PAM: variants seen among roughly 807,000 people sequenced by gnomAD.
The protein encoded by PAM is peptidylglycine alpha-amidating monooxygenase, also known as peptidyl-glycine alpha-amidating monooxygenase.
In PAM, 72 loss-of-function variants were observed where a neutral mutation model predicts 122.1. That is an observed-to-expected ratio of 0.59 (90% CI 0.49 to 0.72). The LOEUF is 0.72. Among genes scored for constraint, PAM ranks in the 30% least tolerant of loss-of-function variants. PAM has a pLI of 0.00. For missense variants in PAM, 1,106 were observed against 1,183.7 expected (o/e 0.93, Z 0.96); for synonymous variants, 389 against 404.4 (o/e 0.96, Z 0.46).
intron 21 of PAM, among the ~76,000 whole-genome samples, chr5:103,015,003 G>A (rs1454924628): frequency 6.6e-6 from 1 of 152,152 alleles, no homozygotes; most frequent in Non-Finnish European, 1.5e-5. Context: ...AGAAAAAAAA[G>A]TGAGCCCAGA....
At chr5:102,960,967 G>T (rs1762317462) in intron 13 of PAM, among the ~76,000 whole-genome samples, 191 bp from the exon 14 acceptor site, 1 of 107,964 alleles carries the variant, frequency 9.3e-6, no homozygotes, top group Admixed American at 1.4e-4. Context: ...CTTGTAATTG[G>T]TAGGTTGTGC....
At chr5:102,901,851 A>AGGGGGAGG (rs1798023215) in intron 4 of PAM, among the ~76,000 whole-genome samples, 1 of 151,576 alleles carries the variant, frequency 6.6e-6, no homozygotes, top group African/African-American at 2.4e-5. Context: ...AGGGAAGGAG[A>AGGGGGAGG]GAGGGAGGAA....
In PAM at chr5:102,790,908, A is replaced by G. The variant is rs1581104564; in HGVS notation, c.-374+35560A>G. Among the ~76,000 whole-genome samples the G allele has an allele frequency of 2.0e-5, 3 of 152,260 alleles. No homozygotes were observed. In the East Asian group the frequency reaches 5.8e-4, roughly 29 times the overall value. On this transcript the variant is annotated intron_variant, in intron 1 of 25. Transcript: ENST00000438793. ...TTACTACCCAGAGATAAGCACTGAT[A>G]TCATTTGTTTGTGTGTCAGCCATTC...
chr5:102,974,500 T>C (rs1053531486), intron 15 of PAM, 64 bp downstream of exon 15: 1 of 1,049,892 alleles, frequency 9.5e-7, no homozygotes, highest in Non-Finnish European at 1.4e-6. Flanking sequence ...TAGCAAAACC[T>C]GAAGGGAATA....
intron 3 of PAM, among the ~76,000 whole-genome samples, chr5:102,872,201 A>G (rs1263572267): frequency 6.6e-6 from 1 of 152,194 alleles, no homozygotes; most frequent in Non-Finnish European, 1.5e-5. Flanking sequence ...ATGCATTGAA[A>G]TCAGAAAGCA....
intron 14 of PAM, among the ~76,000 whole-genome samples, chr5:102,966,060 T>G (rs147684104): frequency 7.2e-5 from 11 of 152,182 alleles, no homozygotes; most frequent in Middle Eastern, 3.4e-3. Flanking sequence ...ACAAATAATT[T>G]TAGTAACATC....
At chr5:102,916,432 A>G (rs1803111402) in intron 5 of PAM, among the ~76,000 whole-genome samples, 1 of 151,870 alleles carries the variant, frequency 6.6e-6, no homozygotes, top group African/African-American at 2.4e-5. Context: ...AGCCCCACTT[A>G]ATTTGTAGAC....
chr5:102,775,658 AAG>A (rs1474574304), intron 1 of PAM, among the ~76,000 whole-genome samples: 1 of 152,138 alleles, frequency 6.6e-6, no homozygotes, highest in Non-Finnish European at 1.5e-5. Flanking sequence ...TGTCCCTGCA[AAG>A]GACATGATCT....
chr5:102,818,340 G>T (rs1226270577), intron 1 of PAM, among the ~76,000 whole-genome samples: 1 of 151,236 alleles, frequency 6.6e-6, no homozygotes, highest in Non-Finnish European at 1.5e-5. Flanking sequence ...GTTACATAGA[G>T]AACACACAGT....
intron 1 of PAM, among the ~76,000 whole-genome samples, chr5:102,768,590 G>C (rs1754833933): frequency 6.6e-6 from 1 of 152,072 alleles, no homozygotes. Context: ...AACATGCAAA[G>C]TTTGTCTTTC....
At chr5:102,837,113 GA>G (rs1243449182) in intron 1 of PAM, among the ~76,000 whole-genome samples, 1 of 152,094 alleles carries the variant, frequency 6.6e-6, no homozygotes, top group Non-Finnish European at 1.5e-5. Flanking sequence ...CTCCCTTAGG[GA>G]TATGCCAAAG....
intron 3 of PAM, among the ~76,000 whole-genome samples, chr5:102,891,974 T>C (rs1357748868): frequency 1.3e-5 from 2 of 151,858 alleles, no homozygotes; most frequent in Non-Finnish European, 2.9e-5. Context: ...TGTTCCAGCA[T>C]TGGCCTTCCC....
rs777332029 is a variant in PAM at position 102,949,667 on chromosome 5, G to A, written c.724+50G>A. 16 of 932,406 alleles carry A rather than the reference G, an allele frequency of 1.7e-5. No homozygotes were observed. The Admixed American group carries it at 2.0e-4, about 12-fold the overall frequency. The allele number at this position is 932,406 out of a possible 1,614,324, so 57.8% of individuals were successfully genotyped here. A position where few individuals can be genotyped will look rare whatever the true frequency, so the allele number is the denominator to read the frequency against. On this transcript the variant is annotated intron_variant, in intron 10 of 25. Coordinates refer to ENST00000438793, the MANE Select transcript of PAM (RefSeq NM_001177306.2). ...TAAATATTTACCATTGTGCTTCCTG[G>A]TGCCATAAATTAAAATGCAAATTGT...
intron 16 of PAM, among the ~76,000 whole-genome samples, chr5:102,998,670 G>C (rs1046595548): frequency 3.3e-5 from 5 of 152,060 alleles, no homozygotes; most frequent in African/African-American, 1.2e-4. Flanking sequence ...TGGAGAAACT[G>C]GGTAAAGTGC....
chr5:102,892,727 G>A (rs181214837), intron 3 of PAM, among the ~76,000 whole-genome samples: 1 of 151,916 alleles, frequency 6.6e-6, no homozygotes, highest in African/African-American at 2.4e-5. Context: ...TAGTTGCCAT[G>A]AGTACATACA....
chr5:102,818,614 C>T (rs961410027), intron 1 of PAM, among the ~76,000 whole-genome samples: 1 of 152,136 alleles, frequency 6.6e-6, no homozygotes, highest in African/African-American at 2.4e-5. Flanking sequence ...ATGCCCTTCC[C>T]TCTGCCTCAT....
chr5:102,870,884 C>T (rs188494844), intron 3 of PAM, among the ~76,000 whole-genome samples: 1 of 152,298 alleles, frequency 6.6e-6, no homozygotes, highest in Admixed American at 6.5e-5. Flanking sequence ...CCCTTTCTCA[C>T]CCAGGACCCA....
chr5:102,877,180 T>C (rs913754965), intron 3 of PAM, among the ~76,000 whole-genome samples: 14 of 152,354 alleles, frequency 9.2e-5, no homozygotes, highest in African/African-American at 3.4e-4. Flanking sequence ...TCTGATAGGA[T>C]TGCAGTTAAG....
At chr5:102,934,710 T>A (rs1262583359) in intron 7 of PAM, among the ~76,000 whole-genome samples, 1 of 152,206 alleles carries the variant, frequency 6.6e-6, no homozygotes, top group Non-Finnish European at 1.5e-5. Context: ...ATGTACTCTA[T>A]CACCTTTGTG....
Sources: allele counts gnomAD v4.1 joint callset (sites outside exome capture counted in the v4.1 genomes callset), GRCh38; gene constraint gnomAD v4.1.1; transcripts MANE v1.5; gene names NCBI Gene and HGNC (gene_info 2026-07-23, HGNC 2026-07-21).